RAD51B: variants seen among roughly 807,000 people sequenced by gnomAD.
RAD51B encodes the protein RAD51 paralog B, also known as DNA repair protein RAD51 homolog 2.
Under a neutral mutation model 42.2 loss-of-function variants are expected in RAD51B, and 38 were observed. That is an observed-to-expected ratio of 0.90 (90% confidence interval 0.70 to 1.18). The LOEUF (loss-of-function observed/expected upper bound fraction) is 1.18, where lower values mean the gene tolerates loss of function less well. Ranked by LOEUF, RAD51B falls within the 50% of genes most tolerant of loss-of-function variation. RAD51B has a pLI of 0.00. For missense variants in RAD51B, 373 were observed against 400.7 expected (o/e 0.93, Z 0.59); for synonymous variants, 154 against 145.2 (o/e 1.06, Z -0.43).
intron 4 of RAD51B, chr14:67,864,738 T>G: frequency 1.7e-6 from 1 of 571,506 alleles, no homozygotes; most frequent in Non-Finnish European, 3.2e-6. Flanking sequence ...TCATCTGAAC[T>G]ACAAAATACA....
intron 7 of RAD51B, among the ~76,000 whole-genome samples, chr14:67,999,756 G>A (rs1213953300): frequency 1.3e-5 from 2 of 152,292 alleles, no homozygotes; most frequent in East Asian, 3.9e-4. Context: ...AATACACATA[G>A]GATAGAGGAG....
At chr14:68,492,994 C>T (rs4899244) in intron 10 of RAD51B, among the ~76,000 whole-genome samples, 63,426 of 151,932 alleles carry the variant, frequency 0.42, 14,474 homozygotes, top group East Asian at 0.55. Flanking sequence ...CCTCTCTGAT[C>T]CTTTGAGAGA....
At chr14:68,187,452 C>A (rs768049679) in intron 7 of RAD51B, among the ~76,000 whole-genome samples, 18 of 152,168 alleles carry the variant, frequency 1.2e-4, no homozygotes, top group Non-Finnish European at 2.5e-4. Context: ...AGTGGTGACA[C>A]CCACATGGAA....
At chr14:68,492,844 T>A (rs550098276) in intron 10 of RAD51B, among the ~76,000 whole-genome samples, 7 of 152,288 alleles carry the variant, frequency 4.6e-5, no homozygotes, top group Non-Finnish European at 8.8e-5. Context: ...AATGCCTGCT[T>A]ATTTCCCTAA....
chr14:68,265,583 C>T (rs2080974947), intron 7 of RAD51B, among the ~76,000 whole-genome samples: 1 of 116,918 alleles, frequency 8.6e-6, no homozygotes, highest in Non-Finnish European at 1.6e-5. Flanking sequence ...AACCCCATTT[C>T]TACTAATAAA....
intron 10 of RAD51B, among the ~76,000 whole-genome samples, chr14:68,549,571 ATG>A (rs1888422771): frequency 6.7e-6 from 1 of 149,914 alleles, no homozygotes; most frequent in Non-Finnish European, 1.5e-5. Context: ...GCGCGCCACC[ATG>A]CCCGGCTAAT....
chr14:68,575,116 C>G (rs1889902931), intron 10 of RAD51B, among the ~76,000 whole-genome samples: 1 of 152,236 alleles, frequency 6.6e-6, no homozygotes, highest in Non-Finnish European at 1.5e-5. Flanking sequence ...ATGCCTTTTG[C>G]AGGCCAGGCA....
chr14:68,455,747 A>T lies in RAD51B; in HGVS notation c.958-12425A>T, dbSNP rs559958728. Among the ~76,000 whole-genome samples, 905 of 151,602 alleles carry T rather than the reference A, an allele frequency of 6.0e-3. 7 individuals are homozygous for T. Among genetic ancestry groups the T allele is most frequent in the African/African-American group, 0.018 (758 of 41,380 alleles). ...AAAATTAAAAAAAAAATTTTTTTTT[A>T]AAAAGTGTGTTGGTAAAGATAAATA... On this transcript the variant is annotated intron_variant, in intron 9 of 10. Transcript: ENST00000471583.
At chr14:68,501,703 C>T (rs1326094010) in intron 10 of RAD51B, among the ~76,000 whole-genome samples, 1 of 152,262 alleles carries the variant, frequency 6.6e-6, no homozygotes, top group Non-Finnish European at 1.5e-5. Context: ...ACAGGAACTG[C>T]CCAAGCTCAG....
chr14:67,961,841 T>G (rs138509330), intron 7 of RAD51B, among the ~76,000 whole-genome samples: 1 of 152,244 alleles, frequency 6.6e-6, no homozygotes, highest in African/African-American at 2.4e-5. Flanking sequence ...ATTTAGGAAA[T>G]TCAGATAGGC....
intron 9 of RAD51B, among the ~76,000 whole-genome samples, chr14:68,466,436 G>A (rs1014656783): frequency 6.6e-6 from 1 of 152,210 alleles, no homozygotes; most frequent in Non-Finnish European, 1.5e-5. Context: ...CACAGTTTTG[G>A]TTAGAATTCA....
At position 68,664,583 on chromosome 14, in the gene RAD51B, G is replaced by C. The variant is rs78399824; in HGVS notation, c.*11+13727G>C. 6.5e-3 allele frequency among the ~76,000 whole-genome samples: 994 copies of C among 152,292 alleles called. 4 individuals carry two copies. Among genetic ancestry groups the C allele is most frequent in the Admixed American group, 0.012 (189 of 15,300 alleles). On this transcript the variant is annotated intron_variant, in intron 11 of 11. Coordinates refer to the RAD51B transcript ENST00000488612. ...ATTTCTGCCAAGATGGAGGAATACA[G>C]CTCTCCCTGCTGGAAAAGAGAGCAC...
chr14:68,186,136 C>T (rs1486526661), intron 7 of RAD51B, among the ~76,000 whole-genome samples: 2 of 152,154 alleles, frequency 1.3e-5, no homozygotes, highest in Non-Finnish European at 2.9e-5. Context: ...TCAATAAATA[C>T]TGCTGGGGTT....
At chr14:68,480,495 A>G (rs968943347), downstream of RAD51B, among the ~76,000 whole-genome samples, 3 of 152,080 alleles carry the variant, frequency 2.0e-5, no homozygotes, top group African/African-American at 7.2e-5. Flanking sequence ...GAGACACCCC[A>G]CTCATTCTGG....
chr14:68,650,302 C>T (rs1294608870), intron 10 of RAD51B, among the ~76,000 whole-genome samples: 1 of 151,602 alleles, frequency 6.6e-6, no homozygotes, highest in African/African-American at 2.4e-5. Flanking sequence ...CTTAATCCTA[C>T]ATGTGACTCT....
chr14:68,334,394 A>G (rs948131117), intron 8 of RAD51B, among the ~76,000 whole-genome samples: 5 of 152,350 alleles, frequency 3.3e-5, no homozygotes, highest in Admixed American at 2.6e-4. Flanking sequence ...TCATTAAATG[A>G]AAGTGGATCT....
chr14:68,631,306 G>T (rs1307815681), intron 10 of RAD51B, among the ~76,000 whole-genome samples: 1 of 152,214 alleles, frequency 6.6e-6, no homozygotes, highest in Non-Finnish European at 1.5e-5. Flanking sequence ...TGTGAGACCA[G>T]AAATCAGGAA....
chr14:68,017,602 G>T (rs886506009), intron 7 of RAD51B, among the ~76,000 whole-genome samples: 2 of 152,040 alleles, frequency 1.3e-5, no homozygotes, highest in African/African-American at 4.8e-5. Flanking sequence ...TTTGCCCCTA[G>T]ATTTTATTTA....
At chr14:68,459,412 A>G (rs1464652306) in intron 9 of RAD51B, among the ~76,000 whole-genome samples, 1 of 152,248 alleles carries the variant, frequency 6.6e-6, no homozygotes, top group Non-Finnish European at 1.5e-5. Flanking sequence ...GACACTTGGC[A>G]TAGCTAGAGG....
Sources: gnomAD v4.1 joint callset for allele counts (sites outside exome capture counted in the v4.1 genomes callset) on GRCh38, gnomAD v4.1.1 for gene constraint, MANE v1.5 for transcripts, NCBI Gene and HGNC (gene_info 2026-07-23, HGNC 2026-07-21) for gene names.